Variants in ROBO2 observed in about 807,000 individuals in gnomAD.
The protein encoded by ROBO2 is roundabout guidance receptor 2, also known as roundabout homolog 2.
ROBO2 carries 53 observed loss-of-function variants against 160.8 expected under a neutral mutation model. The observed-to-expected ratio is 0.33, with a 90% CI of 0.26 to 0.41. The LOEUF (loss-of-function observed/expected upper bound fraction) is 0.41. Ranked by LOEUF, ROBO2 falls within the 10% of genes least tolerant of loss-of-function variation. The pLI, the probability that ROBO2 is intolerant of heterozygous loss-of-function variation, is 1.00. For synonymous variants in ROBO2, 664 were observed against 611.7 expected (o/e 1.09, Z -1.26); for missense variants, 1,577 against 1,722.4 (o/e 0.92, Z 1.49).
intron 1 of ROBO2, among the ~76,000 whole-genome samples, chr3:75,911,948 AG>A: frequency 6.6e-6 from 1 of 152,316 alleles, no homozygotes; most frequent in Non-Finnish European, 1.5e-5. Flanking sequence ...TTTGTTTACA[AG>A]GGCCTCAGCA....
chr3:77,271,059 A>G (rs1287596458), intron 2 of ROBO2, among the ~76,000 whole-genome samples: 3 of 151,852 alleles, frequency 2.0e-5, no homozygotes, highest in Non-Finnish European at 4.4e-5. Flanking sequence ...ACATTTTTAT[A>G]TTTTTTATTC....
intron 2 of ROBO2, among the ~76,000 whole-genome samples, chr3:76,491,877 C>T (rs2079843740): frequency 6.6e-6 from 1 of 152,072 alleles, no homozygotes; most frequent in Admixed American, 6.6e-5. Context: ...GAAGGATCAC[C>T]TGGGTTCAGG....
intron 2 of ROBO2, among the ~76,000 whole-genome samples, chr3:76,346,307 G>A (rs1298890322): frequency 6.6e-6 from 1 of 151,466 alleles, no homozygotes; most frequent in Non-Finnish European, 1.5e-5. Flanking sequence ...GAGTGCAGTG[G>A]CGTGATCTTG....
intron 2 of ROBO2, among the ~76,000 whole-genome samples, chr3:76,557,359 T>C (rs2083859284): frequency 6.6e-6 from 1 of 151,990 alleles, no homozygotes; most frequent in Non-Finnish European, 1.5e-5. Context: ...AAAAATCCTC[T>C]AGGGAGTTAT....
At chr3:76,085,423 C>T (rs1370849209) in intron 2 of ROBO2, among the ~76,000 whole-genome samples, 1 of 151,912 alleles carries the variant, frequency 6.6e-6, no homozygotes, top group Non-Finnish European at 1.5e-5. Context: ...AACAAAAAAC[C>T]ACAAGCACTG....
At chr3:75,926,010 C>T (rs1471699609) in intron 1 of ROBO2, among the ~76,000 whole-genome samples, 4 of 152,060 alleles carry the variant, frequency 2.6e-5, no homozygotes, top group Admixed American at 1.3e-4. Flanking sequence ...AGTGCACCTT[C>T]GGATTTGATT....
exon 1 of ROBO2, chr3:77,040,609 C>T: frequency 1.4e-6 from 2 of 1,462,880 alleles, no homozygotes; most frequent in Non-Finnish European, 1.8e-6. Context: ...TCAGTGTGCC[C>T]CGTTCGAGAC....
chr3:76,130,612 C>T (rs566534592), intron 2 of ROBO2, among the ~76,000 whole-genome samples: 2 of 152,188 alleles, frequency 1.3e-5, no homozygotes, highest in African/African-American at 4.8e-5. Flanking sequence ...GCACCACCAA[C>T]CCCCACTGAT....
chr3:77,545,744 T>A (rs1385566416), intron 6 of ROBO2, among the ~76,000 whole-genome samples: 2 of 152,252 alleles, frequency 1.3e-5, no homozygotes, highest in Non-Finnish European at 2.9e-5. Flanking sequence ...GTCAACCATT[T>A]CAATACATTT....
At chr3:76,101,873 C>T (rs2069700474) in intron 2 of ROBO2, among the ~76,000 whole-genome samples, 1 of 145,912 alleles carries the variant, frequency 6.9e-6, no homozygotes, top group African/African-American at 2.6e-5. Flanking sequence ...CCATTGTACC[C>T]CAGGGTGTGA....
At chr3:76,100,887 C>T (rs2069655898) in intron 2 of ROBO2, among the ~76,000 whole-genome samples, 1 of 152,100 alleles carries the variant, frequency 6.6e-6, no homozygotes, top group Non-Finnish European at 1.5e-5. Context: ...CTATGATGTA[C>T]CAAGTACCTG....
intron 2 of ROBO2, among the ~76,000 whole-genome samples, chr3:76,593,678 A>C (rs10511050): frequency 6.6e-6 from 1 of 152,002 alleles, no homozygotes; most frequent in African/African-American, 2.4e-5. Flanking sequence ...TTTTTTCAGA[A>C]ACACTAGTAA....
chr3:76,172,185 CTG>C (rs749261112), intron 2 of ROBO2, among the ~76,000 whole-genome samples: 2 of 151,390 alleles, frequency 1.3e-5, no homozygotes, highest in Non-Finnish European at 2.9e-5. Flanking sequence ...TTTTTTATGA[CTG>C]TGTAAAAACC....
At chr3:76,740,435 C>A (rs113042071) in intron 2 of ROBO2, among the ~76,000 whole-genome samples, 6,735 of 152,150 alleles carry the variant, frequency 0.044, 224 homozygotes, top group Non-Finnish European at 0.065. Context: ...AGTAGTAAGT[C>A]ACACCCCAGA....
At chr3:76,221,821 A>C (rs1703986268) in intron 2 of ROBO2, among the ~76,000 whole-genome samples, 1 of 152,098 alleles carries the variant, frequency 6.6e-6, no homozygotes, top group East Asian at 1.9e-4. Context: ...GTGCCTGTGG[A>C]TAAGACATTT....
intron 2 of ROBO2, among the ~76,000 whole-genome samples, chr3:77,110,644 T>C (rs964152622): frequency 2.0e-5 from 3 of 148,880 alleles, no homozygotes; most frequent in Non-Finnish European, 4.5e-5. Flanking sequence ...ACTATATATA[T>C]ATAAATATAT....
intron 2 of ROBO2, among the ~76,000 whole-genome samples, chr3:76,569,980 T>A (rs1207435632): frequency 1.3e-5 from 2 of 151,904 alleles, no homozygotes; most frequent in Non-Finnish European, 2.9e-5. Context: ...AAAATAATGA[T>A]AATAATTAGC....
intron 2 of ROBO2, among the ~76,000 whole-genome samples, chr3:76,208,329 C>T (rs991767980): frequency 1.3e-5 from 2 of 152,094 alleles, no homozygotes; most frequent in Admixed American, 6.6e-5. Context: ...TTATGTTGAC[C>T]TCAGAATTAA....
Position 76,832,655 on chromosome 3 carries a change from A to G in ROBO2, c.110-265359A>G, listed in dbSNP as rs1267441923. ...ATAAGTAGAAAAAGAAAGAAAATAC[A>G]TTCAAGGTCAAGAAAATAAGCAAGT... On this transcript the variant is annotated intron_variant, in intron 2 of 26. Coordinates refer to the ROBO2 transcript ENST00000487694. 5.9e-5 allele frequency among the ~76,000 whole-genome samples: 9 copies of G among 152,270 alleles called. No homozygotes were observed. In the East Asian group the frequency reaches 1.7e-3, roughly 30 times the overall value.
Sources: allele counts gnomAD v4.1 joint callset (sites outside exome capture counted in the v4.1 genomes callset), GRCh38; gene constraint gnomAD v4.1.1; transcripts MANE v1.5; gene names NCBI Gene and HGNC (gene_info 2026-07-23, HGNC 2026-07-21).